The following MEIS1 variants were observed in gnomAD, a reference collection of about 807,000 sequenced individuals.
The protein encoded by MEIS1 is homeobox protein Meis1.
Under a neutral mutation model 50.8 loss-of-function variants are expected in MEIS1, and 5 were observed. That is an observed-to-expected ratio of 0.10 (90% CI 0.05 to 0.21). The LOEUF is 0.21. MEIS1 is among the 10% of genes least tolerant of loss of function. The pLI, the probability that MEIS1 is intolerant of heterozygous loss-of-function variation, is 1.00. For synonymous variants in MEIS1, 176 were observed against 179.3 expected (o/e 0.98, Z 0.15); for missense variants, 318 against 517.3 (o/e 0.61, Z 3.74).
In MEIS1 at chr2:66,568,707, G is replaced by T. The variant is rs758483192; in HGVS notation, c.1065G>T (p.Met355Ile). The change falls in exon 11 of 13, where the codon ATG becomes ATT. Residue 355 changes from methionine to isoleucine, a missense_variant. Transcript: ENST00000272369. Reference protein sequence around the residue: ...GTPYNPDGQPMGGFVMDGQQH... With the variant: ...GTPYNPDGQPIGGFVMDGQQH... ...CTTATAATCCTGATGGACAGCCCAT[G>T]GGAGGTTTCGTAATGGACGGTCAGC... The T allele has an allele frequency of 9.3e-6, 15 of 1,613,770 alleles. No individual in the cohort carries two copies. Among genetic ancestry groups the T allele is most frequent in the Non-Finnish European group, 1.3e-5 (15 of 1,179,706 alleles).
Position 66,572,368 on chromosome 2 carries a change from G to A in MEIS1, c.*1160G>A, listed in dbSNP as rs903729305. 2 of 152,044 alleles carry A rather than the reference G, an allele frequency of 1.3e-5. No individual in the cohort carries two copies. Among genetic ancestry groups the A allele is most frequent in the African/African-American group, 2.4e-5 (1 of 41,386 alleles). The allele number at this position is 152,044 out of a possible 1,614,324, so 9.4% of individuals were successfully genotyped here. ...TGACTTTATTTCTGAGCAAAGCATC[G>A]GTCATGTGTGTATTTTTTCATAGTC... On this transcript the variant is annotated 3_prime_UTR_variant, in exon 13 of 13. Transcript: ENST00000272369.
chr2:66,571,302 A>G lies in MEIS1; in HGVS notation c.*94A>G, dbSNP rs748170030. On this transcript the variant is annotated 3_prime_UTR_variant, in exon 13 of 13. Coordinates refer to ENST00000272369, the MANE Select transcript of MEIS1 (RefSeq NM_002398.3). Reference sequence around the variant, plus strand: ...CCGGGGTGGTCCAATGGGTGTGAGTATGGGACAGCCAAGTTATACCCAACC... The same window carrying G: ...CCGGGGTGGTCCAATGGGTGTGAGTGTGGGACAGCCAAGTTATACCCAACC... 12 of 1,598,582 alleles carry G rather than the reference A, an allele frequency of 7.5e-6. No homozygotes were observed. Among genetic ancestry groups the G allele is most frequent in the Non-Finnish European group, 1.0e-5 (12 of 1,172,522 alleles).
chr2:66,527,645 G>T (rs1016426245), intron 8 of MEIS1, among the ~76,000 whole-genome samples: 1 of 148,664 alleles, frequency 6.7e-6, no homozygotes, highest in African/African-American at 2.5e-5. Context: ...TGTGTGTTGG[G>T]GGGGAGACAG....
intron 6 of MEIS1, among the ~76,000 whole-genome samples, chr2:66,463,464 C>T (rs945573378): frequency 6.6e-6 from 1 of 152,080 alleles, no homozygotes; most frequent in East Asian, 1.9e-4. Flanking sequence ...TTCAAATGCA[C>T]CCAGTGATAA....
chr2:66,469,353 A>T (rs1201270900), intron 7 of MEIS1, among the ~76,000 whole-genome samples: 2 of 152,118 alleles, frequency 1.3e-5, no homozygotes, highest in Non-Finnish European at 2.9e-5. Context: ...ACCTATAGGC[A>T]GAAGGCAATT....
At chr2:66,567,917 G>T (rs576855388) in intron 10 of MEIS1, 4 of 384,528 alleles carry the variant, frequency 1.0e-5, no homozygotes, top group Non-Finnish European at 1.9e-5. Flanking sequence ...AGGATTGCTT[G>T]TGGGACTCAG....
chr2:66,521,781 C>G (rs1674128007), intron 8 of MEIS1, among the ~76,000 whole-genome samples: 1 of 152,200 alleles, frequency 6.6e-6, no homozygotes, highest in Non-Finnish European at 1.5e-5. Flanking sequence ...CTCCTTCTCC[C>G]TGTGCGTATA....
At chr2:66,446,409 G>A (rs1320306701) in intron 6 of MEIS1, among the ~76,000 whole-genome samples, 1 of 152,120 alleles carries the variant, frequency 6.6e-6, no homozygotes, top group Non-Finnish European at 1.5e-5. Flanking sequence ...GGGGAGAGCG[G>A]AGCAGAGTCT....
intron 7 of MEIS1, among the ~76,000 whole-genome samples, chr2:66,487,864 C>T (rs192121849): frequency 5.0e-4 from 76 of 152,304 alleles, no homozygotes; most frequent in Admixed American, 9.8e-4. Flanking sequence ...CTTTCAGAAA[C>T]ATTTTACATA....
At chr2:66,499,556 T>G (rs1466390186) in intron 7 of MEIS1, among the ~76,000 whole-genome samples, 1 of 151,978 alleles carries the variant, frequency 6.6e-6, no homozygotes, top group African/African-American at 2.4e-5. Context: ...GGAGAGTGCC[T>G]TGAGAGAAGA....
chr2:66,452,287 C>T (rs1672293758), intron 6 of MEIS1, among the ~76,000 whole-genome samples: 1 of 151,888 alleles, frequency 6.6e-6, no homozygotes, highest in Non-Finnish European at 1.5e-5. Flanking sequence ...AGTAACCACC[C>T]TGCCCTTCAC....
chr2:66,557,653 G>T (rs1248898412), intron 9 of MEIS1, among the ~76,000 whole-genome samples: 1 of 152,152 alleles, frequency 6.6e-6, no homozygotes, highest in Non-Finnish European at 1.5e-5. Context: ...CCATTGTATG[G>T]ATATAAGGTA....
intron 8 of MEIS1, among the ~76,000 whole-genome samples, chr2:66,541,694 A>G (rs1387386657): frequency 6.6e-6 from 1 of 152,204 alleles, no homozygotes; most frequent in Non-Finnish European, 1.5e-5. Context: ...AAGAAAGCGG[A>G]TGGAAATCCT....
chr2:66,477,344 G>T (rs1442631289), intron 7 of MEIS1, among the ~76,000 whole-genome samples: 1 of 152,166 alleles, frequency 6.6e-6, no homozygotes, highest in Non-Finnish European at 1.5e-5. Flanking sequence ...TGATGCCAAG[G>T]TTTCAGAAGA....
At position 66,450,598 on chromosome 2, in the gene MEIS1, C is replaced by T. The variant is rs140635431; in HGVS notation, c.630+7550C>T. Among the ~76,000 whole-genome samples the T allele has an allele frequency of 3.8e-4, 58 of 152,222 alleles. No homozygotes were observed. The East Asian group carries it at 8.9e-3, about 23-fold the overall frequency. On this transcript the variant is annotated intron_variant, in intron 6 of 12. Coordinates refer to ENST00000272369, the MANE Select transcript of MEIS1 (RefSeq NM_002398.3). ...TGTTATAGTTGTGCTGCTGCTTTTACGTTTTAACCAAATACAAAGTCTTAC... is the reference window on the plus strand; with the variant it reads ...TGTTATAGTTGTGCTGCTGCTTTTATGTTTTAACCAAATACAAAGTCTTAC...
At chr2:66,508,508 T>C (rs536669845) in intron 7 of MEIS1, among the ~76,000 whole-genome samples, 28 of 152,300 alleles carry the variant, frequency 1.8e-4, no homozygotes, top group Non-Finnish European at 2.6e-4. Flanking sequence ...CCCAGGAAGT[T>C]GCAGGGAGAG....
At chr2:66,549,202 G>A (rs1176991667) in intron 9 of MEIS1, among the ~76,000 whole-genome samples, 1 of 152,036 alleles carries the variant, frequency 6.6e-6, no homozygotes. Context: ...ATTTGCCTTT[G>A]GAGGATTAAT....
Position 66,477,659 on chromosome 2 carries a change from C to A in MEIS1, c.742+13439C>A, listed in dbSNP as rs185319332. Among the ~76,000 whole-genome samples the A allele has an allele frequency of 4.1e-3, 625 of 152,334 alleles. 4 individuals carry two copies. The highest frequency in any genetic ancestry group is 0.013 in the South Asian group (63 of 4,820). On this transcript the variant is annotated intron_variant, in intron 7 of 12. Coordinates refer to ENST00000272369, the MANE Select transcript of MEIS1 (RefSeq NM_002398.3). ...GTCATGGGAATTTGGTGACTCATTT[C>A]ATCAGTTTACTGCTCTGAAAATGAG... is the stretch of plus-strand genomic sequence containing the variant.
intron 8 of MEIS1, among the ~76,000 whole-genome samples, chr2:66,529,582 A>T (rs1385885287): frequency 6.6e-6 from 1 of 152,188 alleles, no homozygotes; most frequent in East Asian, 1.9e-4. Flanking sequence ...GACTGTAGGC[A>T]CATGCCACCA....
Sources: allele counts gnomAD v4.1 joint callset (sites outside exome capture counted in the v4.1 genomes callset), GRCh38; gene constraint gnomAD v4.1.1; transcripts MANE v1.5; gene names NCBI Gene and HGNC (gene_info 2026-07-23, HGNC 2026-07-21).